CNTN5: variants seen among roughly 807,000 people sequenced by gnomAD.
CNTN5 encodes contactin-5.
Under a neutral mutation model 129.1 loss-of-function variants are expected in CNTN5, and 77 were observed. That is an observed-to-expected ratio of 0.60 (90% confidence interval 0.50 to 0.72). The LOEUF (loss-of-function observed/expected upper bound fraction) is 0.72, where lower values mean the gene tolerates loss of function less well. Ranked by LOEUF, CNTN5 falls within the 30% of genes least tolerant of loss-of-function variation. CNTN5 has a pLI of 0.00. For synonymous variants in CNTN5, 509 were observed against 465.6 expected, an observed-to-expected ratio of 1.09 and a Z score of -1.20; for missense variants, 1,478 against 1,328.8, an observed-to-expected ratio of 1.11 and a Z score of -1.75.
At chr11:99,131,615 T>C (rs1858942650) in intron 1 of CNTN5, among the ~76,000 whole-genome samples, 1 of 152,144 alleles carries the variant, frequency 6.6e-6, no homozygotes, top group African/African-American at 2.4e-5. Flanking sequence ...GAGAATACTA[T>C]AAACACCTTT....
In CNTN5 at chr11:99,769,076, A is replaced by C. The variant is rs962701996; in HGVS notation, c.56-50468A>C. ...AAAATTATTTTAATATTATGGACTC[A>C]TGGATTTTTATGTATTCAATGTGAA... is the stretch of plus-strand genomic sequence containing the variant. On this transcript the variant is annotated intron_variant, in intron 3 of 24. Transcript: ENST00000524871. Among the ~76,000 whole-genome samples the C allele has an allele frequency of 3.9e-5, 6 of 152,236 alleles. No individual in the cohort carries two copies. The South Asian group carries it at 6.2e-4, about 16-fold the overall frequency.
intron 1 of CNTN5, among the ~76,000 whole-genome samples, chr11:99,218,124 T>C (rs530899272): frequency 6.6e-6 from 1 of 152,278 alleles, no homozygotes; most frequent in Admixed American, 6.5e-5. Flanking sequence ...TTGCCAAATC[T>C]AATGGTGGAT....
chr11:100,190,614 A>G (rs1256263398), intron 13 of CNTN5, among the ~76,000 whole-genome samples: 2 of 152,068 alleles, frequency 1.3e-5, no homozygotes, highest in Non-Finnish European at 2.9e-5. Context: ...ATCAGGTTGC[A>G]TTTTCATACT....
rs1192372239 is a variant in CNTN5 at position 100,061,020 on chromosome 11, A to AGG, written c.981-191_981-190dup. Among the ~76,000 whole-genome samples, 4 of 152,328 alleles carry AGG rather than the reference A, an allele frequency of 2.6e-5. No homozygotes were observed. The East Asian group carries it at 7.7e-4, about 29-fold the overall frequency. Reference sequence around the variant, plus strand: ...TTGCTTTCCTGAAATATGAAAGAAAAGGAAATTCTTTTTATAATCTACTTC... The same window carrying AGG: ...TTGCTTTCCTGAAATATGAAAGAAAAGGGGAAATTCTTTTTATAATCTACTTC... On this transcript the variant is annotated intron_variant, in intron 9 of 24. Transcript: ENST00000524871.
At chr11:99,786,589 A>C (rs564932558) in intron 3 of CNTN5, among the ~76,000 whole-genome samples, 1 of 152,326 alleles carries the variant, frequency 6.6e-6, no homozygotes, top group South Asian at 2.1e-4. Flanking sequence ...GCATTAAGCT[A>C]CCTGACTTCA....
At chr11:99,585,412 A>G (rs1303175185) in intron 3 of CNTN5, among the ~76,000 whole-genome samples, 2 of 152,204 alleles carry the variant, frequency 1.3e-5, no homozygotes, top group Non-Finnish European at 2.9e-5. Flanking sequence ...TTTTCTATTA[A>G]GCTAAATTCA....
At chr11:99,111,187 G>T (rs770000300) in intron 1 of CNTN5, among the ~76,000 whole-genome samples, 1 of 152,046 alleles carries the variant, frequency 6.6e-6, no homozygotes, top group Non-Finnish European at 1.5e-5. Flanking sequence ...TAAAACAAGC[G>T]TGGGATCTAA....
chr11:99,433,250 G>A (rs187179783), intron 2 of CNTN5, among the ~76,000 whole-genome samples: 6 of 152,092 alleles, frequency 3.9e-5, no homozygotes, highest in Admixed American at 3.9e-4. Context: ...TTAGAAGAAG[G>A]GAAGGTTTAG....
intron 2 of CNTN5, among the ~76,000 whole-genome samples, chr11:99,471,461 G>T (rs747917455): frequency 2.6e-5 from 4 of 151,968 alleles, no homozygotes; most frequent in South Asian, 2.1e-4. Context: ...TCCTTTCCTG[G>T]TCTAAATTTG....
chr11:99,618,678 A>G (rs1950834637), intron 3 of CNTN5, among the ~76,000 whole-genome samples: 1 of 152,204 alleles, frequency 6.6e-6, no homozygotes, highest in African/African-American at 2.4e-5. Context: ...GACAATAAAT[A>G]AGATAAACAT....
chr11:100,348,054 T>C (rs1485781743), intron 23 of CNTN5, among the ~76,000 whole-genome samples: 1 of 152,064 alleles, frequency 6.6e-6, no homozygotes, highest in Non-Finnish European at 1.5e-5. Flanking sequence ...TCTCAGTTTT[T>C]TTTTTAATAC....
intron 3 of CNTN5, among the ~76,000 whole-genome samples, chr11:99,571,851 C>T (rs1419593049): frequency 6.6e-6 from 1 of 152,062 alleles, no homozygotes; most frequent in African/African-American, 2.4e-5. Context: ...AAGAGTTAGC[C>T]TTTGTATATT....
intron 15 of CNTN5, among the ~76,000 whole-genome samples, chr11:100,204,340 AT>A (rs1948868400): frequency 6.8e-5 from 8 of 116,922 alleles, no homozygotes; most frequent in African/African-American, 2.7e-4. Context: ...ATATATATAT[AT>A]ATAATTATAG....
At chr11:99,658,949 C>G (rs995749600) in intron 3 of CNTN5, among the ~76,000 whole-genome samples, 1 of 151,236 alleles carries the variant, frequency 6.6e-6, no homozygotes, top group African/African-American at 2.4e-5. Flanking sequence ...GTCTAGAACC[C>G]TCTTCCTTTA....
chr11:100,297,541 C>G (rs903885794), intron 18 of CNTN5, 84 bp from the exon 19 acceptor site: 15 of 1,025,914 alleles, frequency 1.5e-5, no homozygotes, highest in Non-Finnish European at 1.9e-5. Flanking sequence ...TGACTTCAAA[C>G]AAACTTCTGA....
At chr11:99,888,794 G>A (rs1374346719) in intron 6 of CNTN5, among the ~76,000 whole-genome samples, 1 of 152,144 alleles carries the variant, frequency 6.6e-6, no homozygotes, top group South Asian at 2.1e-4. Flanking sequence ...GAGGAATTAC[G>A]GAACAGTTGA....
chr11:99,872,973 A>C (rs2135819212), intron 6 of CNTN5, among the ~76,000 whole-genome samples: 1 of 152,308 alleles, frequency 6.6e-6, no homozygotes, highest in Middle Eastern at 3.4e-3. Flanking sequence ...TATTTTGGTA[A>C]CAGGCTGTGT....
intron 4 of CNTN5, among the ~76,000 whole-genome samples, chr11:99,840,990 G>A (rs552956447): frequency 2.6e-5 from 4 of 152,176 alleles, no homozygotes; most frequent in South Asian, 4.1e-4. Flanking sequence ...CTGGGGACTG[G>A]GAAGCTGTAC....
intron 6 of CNTN5, among the ~76,000 whole-genome samples, chr11:99,905,905 G>A (rs571012466): frequency 1.8e-4 from 28 of 152,226 alleles, no homozygotes; most frequent in African/African-American, 5.8e-4. Flanking sequence ...TGTAGCAATC[G>A]TGAATGGAAG....
Sources: gnomAD v4.1 joint callset for allele counts (sites outside exome capture counted in the v4.1 genomes callset) on GRCh38, gnomAD v4.1.1 for gene constraint, MANE v1.5 for transcripts, NCBI Gene and HGNC (gene_info 2026-07-23, HGNC 2026-07-21) for gene names.